Variants in SPIDR observed in about 807,000 individuals in gnomAD.
SPIDR encodes the protein DNA repair-scaffolding protein.
SPIDR carries 93 observed loss-of-function variants against 104.6 expected under a neutral mutation model. That is an observed-to-expected ratio of 0.89 (90% CI 0.75 to 1.06). SPIDR has a LOEUF of 1.06. SPIDR is among the 50% of genes least tolerant of loss of function. The pLI, the probability that SPIDR is intolerant of heterozygous loss-of-function variation, is 0.00. For synonymous variants in SPIDR, 431 were observed against 416.9 expected (o/e 1.03, Z -0.41); for missense variants, 1,154 against 1,111.2 (o/e 1.04, Z -0.55).
chr8:47,347,375 T>G (rs1264826768), intron 5 of SPIDR, among the ~76,000 whole-genome samples: 1 of 152,206 alleles, frequency 6.6e-6, no homozygotes, highest in Non-Finnish European at 1.5e-5. Flanking sequence ...GACTATGTGG[T>G]GAATTTTGGA....
At chr8:47,273,012 C>T (rs1445489154) in intron 1 of SPIDR, among the ~76,000 whole-genome samples, 5 of 152,184 alleles carry the variant, frequency 3.3e-5, no homozygotes, top group Non-Finnish European at 7.3e-5. Flanking sequence ...TCATGCTTAA[C>T]ACAGTACACT....
chr8:47,425,011 G>T (rs1475525738), intron 7 of SPIDR, among the ~76,000 whole-genome samples: 3 of 152,074 alleles, frequency 2.0e-5, no homozygotes, highest in Non-Finnish European at 4.4e-5. Flanking sequence ...CTTTATTTTT[G>T]AAATTTAAGA....
At chr8:47,463,380 A>G (rs1398670403) in intron 8 of SPIDR, among the ~76,000 whole-genome samples, 5 of 151,892 alleles carry the variant, frequency 3.3e-5, no homozygotes, top group African/African-American at 9.7e-5. Flanking sequence ...AAAGGAAAAG[A>G]AAAAACCTTC....
At chr8:47,460,677 G>A (rs2073791162) in intron 8 of SPIDR, among the ~76,000 whole-genome samples, 1 of 152,214 alleles carries the variant, frequency 6.6e-6, no homozygotes, top group South Asian at 2.1e-4. Flanking sequence ...GTGAGGTACT[G>A]TTTCATTCAT....
chr8:47,528,435 A>G (rs1385440922), intron 8 of SPIDR, among the ~76,000 whole-genome samples: 1 of 152,222 alleles, frequency 6.6e-6, no homozygotes, highest in African/African-American at 2.4e-5. Context: ...AATAAGTCAC[A>G]GTTTGAAGAA....
At chr8:47,594,196 C>CAAAAAAAAA in intron 8 of SPIDR, among the ~76,000 whole-genome samples, 1 of 53,546 alleles carries the variant, frequency 1.9e-5, no homozygotes, top group Non-Finnish European at 3.2e-5. Context: ...CCAGTCTCTA[C>CAAAAAAAAA]AAAAAAAAAA....
intron 8 of SPIDR, among the ~76,000 whole-genome samples, chr8:47,532,065 ATTTTTT>A (rs34728107): frequency 3.3e-5 from 4 of 119,616 alleles, no homozygotes; most frequent in African/African-American, 9.2e-5. Context: ...GTCAGAGTGG[ATTTTTT>A]TTTTTTTTTT....
In SPIDR at chr8:47,485,216, G is replaced by A. The variant is rs192742711; in HGVS notation, c.1097+44674G>A. ...GGAGATTATATCCCGTGCAAGGCTC[G>A]GAGGGTCCCACGCGCACGGAGCCTC... On this transcript the variant is annotated intron_variant, in intron 8 of 19. Transcript: ENST00000297423. Among the ~76,000 whole-genome samples the A allele has an allele frequency of 1.3e-4, 20 of 152,334 alleles. No homozygotes were observed. The East Asian group carries it at 1.5e-3, about 12-fold the overall frequency.
chr8:47,489,409 G>T (rs1292067640), intron 8 of SPIDR, among the ~76,000 whole-genome samples: 8 of 152,052 alleles, frequency 5.3e-5, no homozygotes, highest in African/African-American at 1.7e-4. Context: ...ATCAATATTG[G>T]GAAAATGGCC....
intron 11 of SPIDR, among the ~76,000 whole-genome samples, chr8:47,683,049 A>T (rs551900266): frequency 6.6e-6 from 1 of 152,360 alleles, no homozygotes; most frequent in Non-Finnish European, 1.5e-5. Flanking sequence ...ATGAATGAGA[A>T]CCACAAACCG....
chr8:47,386,910 GATATAGATAT>G (rs781809487), intron 5 of SPIDR, among the ~76,000 whole-genome samples: 1 of 25,154 alleles, frequency 4.0e-5, no homozygotes, highest in Non-Finnish European at 7.5e-5. Context: ...GAGAGATATA[GATATAGATAT>G]AGATATAGAT....
At chr8:47,295,938 C>T (rs929790386) in intron 5 of SPIDR, among the ~76,000 whole-genome samples, 2 of 152,158 alleles carry the variant, frequency 1.3e-5, no homozygotes, top group Non-Finnish European at 2.9e-5. Flanking sequence ...GCTACACACT[C>T]ACCAACGCTT....
At chr8:47,373,947 G>A (rs946628135) in intron 5 of SPIDR, among the ~76,000 whole-genome samples, 3 of 152,188 alleles carry the variant, frequency 2.0e-5, no homozygotes, top group African/African-American at 7.2e-5. Context: ...GCCCTGGTAG[G>A]CATGTGTTTC....
At chr8:47,450,180 T>A (rs1230140145) in intron 8 of SPIDR, among the ~76,000 whole-genome samples, 1 of 151,778 alleles carries the variant, frequency 6.6e-6, no homozygotes, top group Non-Finnish European at 1.5e-5. Flanking sequence ...AAGAAAAAAA[T>A]TCATTTGTCT....
intron 8 of SPIDR, among the ~76,000 whole-genome samples, chr8:47,470,568 C>G (rs1393400327): frequency 6.6e-6 from 1 of 151,954 alleles, no homozygotes. Context: ...TTACGAGCTA[C>G]CACGCCTGAC....
At chr8:47,708,699 C>T (rs1451160829) in intron 14 of SPIDR, among the ~76,000 whole-genome samples, 1 of 152,192 alleles carries the variant, frequency 6.6e-6, no homozygotes, top group African/African-American at 2.4e-5. Flanking sequence ...AAATCCCTGG[C>T]AAACATTCTT....
intron 10 of SPIDR, among the ~76,000 whole-genome samples, chr8:47,666,778 T>TA (rs1471532918): frequency 6.6e-6 from 1 of 152,150 alleles, no homozygotes; most frequent in Non-Finnish European, 1.5e-5. Context: ...TATAGCAACA[T>TA]ACAATGAATG....
At chr8:47,414,722 TTGAC>T (rs2063986264) in intron 7 of SPIDR, among the ~76,000 whole-genome samples, 1 of 152,206 alleles carries the variant, frequency 6.6e-6, no homozygotes, top group South Asian at 2.1e-4. Context: ...TAACTGTTCG[TTGAC>T]TGAAGGGCCT....
chr8:47,587,049 C>T (rs1489416354), intron 8 of SPIDR, among the ~76,000 whole-genome samples: 1 of 152,180 alleles, frequency 6.6e-6, no homozygotes, highest in Non-Finnish European at 1.5e-5. Flanking sequence ...GGATTACAGA[C>T]GTGAGCCACT....
Sources: gnomAD v4.1 joint callset for allele counts (sites outside exome capture counted in the v4.1 genomes callset) on GRCh38, gnomAD v4.1.1 for gene constraint, MANE v1.5 for transcripts, NCBI Gene and HGNC (gene_info 2026-07-23, HGNC 2026-07-21) for gene names.